Variants in MTO1 observed in about 807,000 individuals in gnomAD.
MTO1 encodes 5-taurinomethyluridine-[tRNA] synthase subunit MTO1, mitochondrial.
A neutral mutation model predicts 71.6 loss-of-function variants in MTO1; 46 were observed. The observed-to-expected ratio is 0.64, with a 90% CI of 0.51 to 0.82. MTO1 has a LOEUF of 0.82. Among genes scored for constraint, MTO1 ranks in the 40% least tolerant of loss-of-function variants. The pLI is 0.00. For synonymous variants in MTO1, 297 were observed against 312.1 expected (o/e 0.95, Z 0.51); for missense variants, 773 against 867.5 (o/e 0.89, Z 1.37).
rs192916366 is a variant in MTO1 at position 73,489,760 on chromosome 6, C to A, written c.1638-2474C>A. 2.0e-5 allele frequency among the ~76,000 whole-genome samples: 3 copies of A among 152,188 alleles called. No individual in the cohort carries two copies. The East Asian group carries it at 5.8e-4, about 29-fold the overall frequency. The stretch of plus-strand genomic sequence containing the variant: ...ACAATAAACATACGTGTGCATGTGT[C>A]TTTTAATTATAAAGCATGATTTATA... On this transcript the variant is annotated intron_variant, in intron 9 of 11. Coordinates refer to ENST00000498286, the MANE Select transcript of MTO1 (RefSeq NM_012123.4).
intron 3 of MTO1, among the ~76,000 whole-genome samples, chr6:73,470,007 A>G (rs1348585492): frequency 6.6e-6 from 1 of 152,098 alleles, no homozygotes; most frequent in Non-Finnish European, 1.5e-5. Flanking sequence ...CGTCTCAAAA[A>G]AAAAGAAAAG....
chr6:73,497,119 G>C (rs1772002590), intron 10 of MTO1, among the ~76,000 whole-genome samples: 1 of 146,514 alleles, frequency 6.8e-6, no homozygotes, highest in Non-Finnish European at 1.5e-5. Context: ...TGAGAAAAAT[G>C]TTCCAGCCAA....
intron 3 of MTO1, among the ~76,000 whole-genome samples, chr6:73,469,164 C>T (rs555868205): frequency 2.6e-5 from 4 of 152,010 alleles, no homozygotes; most frequent in African/African-American, 4.8e-5. Context: ...ACTACCACAC[C>T]CAGCTTATTT....
Position 73,482,434 on chromosome 6 carries a change from T to A in MTO1, c.1466-15T>A. 1 of 1,601,458 alleles carries A rather than the reference T, an allele frequency of 6.2e-7. No individual in the cohort carries two copies. The highest frequency in any genetic ancestry group is 8.5e-7 in the Non-Finnish European group (1 of 1,175,808). Reference sequence around the variant, plus strand: ...AACCACACTTCTCATTATATTCTCTTTCTCCCTTCCCTAGGGTATAAAGAC... The same window carrying A: ...AACCACACTTCTCATTATATTCTCTATCTCCCTTCCCTAGGGTATAAAGAC... On this transcript the variant is annotated splice_polypyrimidine_tract_variant and intron_variant, in intron 8 of 11. Transcript: ENST00000498286.
At chr6:73,475,841 A>G (rs1049366823) in intron 4 of MTO1, among the ~76,000 whole-genome samples, 1 of 151,544 alleles carries the variant, frequency 6.6e-6, no homozygotes, top group Non-Finnish European at 1.5e-5. Context: ...CAGGTGATCC[A>G]CCTTCAGCCT....
At chr6:73,497,947 G>C in intron 11 of MTO1, 51 bp downstream of exon 11, 1 of 1,502,142 alleles carries the variant, frequency 6.7e-7, no homozygotes, top group Non-Finnish European at 9.0e-7. Context: ...AAGATACAGT[G>C]CTTTAATTTT....
chr6:73,488,182 T>G (rs116866860), intron 9 of MTO1, among the ~76,000 whole-genome samples: 342 of 152,198 alleles, frequency 2.2e-3, no homozygotes, highest in Non-Finnish European at 3.5e-3. Flanking sequence ...TTGTTTAGGT[T>G]TTTTTTCCAG....
intron 4 of MTO1, among the ~76,000 whole-genome samples, chr6:73,478,114 T>G (rs1771383145): frequency 6.6e-6 from 1 of 151,756 alleles, no homozygotes; most frequent in African/African-American, 2.4e-5. Flanking sequence ...CTGGGCATGG[T>G]GGCATGCCCC....
intron 1 of MTO1, among the ~76,000 whole-genome samples, chr6:73,464,963 C>T (rs892549083): frequency 6.6e-6 from 1 of 151,350 alleles, no homozygotes; most frequent in Non-Finnish European, 1.5e-5. Flanking sequence ...GAGGTAACCA[C>T]ATGGGTTTAG....
intron 9 of MTO1, among the ~76,000 whole-genome samples, chr6:73,489,281 T>C (rs1442641006): frequency 6.7e-6 from 1 of 150,066 alleles, no homozygotes; most frequent in Non-Finnish European, 1.5e-5. Context: ...TTTTTTTCTT[T>C]TTTTTTTTTG....
intron 3 of MTO1, among the ~76,000 whole-genome samples, chr6:73,467,677 A>G (rs182315053): frequency 4.0e-5 from 6 of 149,956 alleles, no homozygotes; most frequent in Admixed American, 3.3e-4. Flanking sequence ...TGGGAAAACA[A>G]CCATCTCCTT....
intron 9 of MTO1, among the ~76,000 whole-genome samples, chr6:73,489,568 G>A (rs1001512664): frequency 6.6e-6 from 1 of 151,754 alleles, no homozygotes; most frequent in Non-Finnish European, 1.5e-5. Context: ...AGTTTGCTCA[G>A]AATGATGGTT....
rs771037293 is a variant in MTO1, at chr6:73,462,117, C to T, written c.217+46C>T. On this transcript the variant is annotated intron_variant, in intron 1 of 11. Transcript: ENST00000498286. Reference sequence around the variant, plus strand: ...GGAACTTGGCGTAGGACGCAGGCTGCTTCCTTCCCGCCTCCCCCGGTCTGA... The same window carrying T: ...GGAACTTGGCGTAGGACGCAGGCTGTTTCCTTCCCGCCTCCCCCGGTCTGA... 4.4e-6 allele frequency: 7 copies of T among 1,588,532 alleles called. No homozygotes were observed. The Admixed American group carries it at 8.4e-5, about 19-fold the overall frequency.
At chr6:73,486,859 A>G in intron 9 of MTO1, 1 of 171,650 alleles carries the variant, frequency 5.8e-6, no homozygotes, top group Non-Finnish European at 1.3e-5. Flanking sequence ...TGGGAGGCTA[A>G]GGTGGGAGGA....
At chr6:73,480,934 C>G in intron 7 of MTO1, 129 bp downstream of exon 7, 1 of 788,528 alleles carries the variant, frequency 1.3e-6, no homozygotes, top group South Asian at 2.0e-5. Context: ...ATTTATGTTT[C>G]AGGGTGTTTG....
At chr6:73,468,492 C>A (rs1408756030) in intron 3 of MTO1, among the ~76,000 whole-genome samples, 1 of 151,754 alleles carries the variant, frequency 6.6e-6, no homozygotes, top group Non-Finnish European at 1.5e-5. Flanking sequence ...ATAATTATAC[C>A]GTAATTTTTG....
chr6:73,466,415 A>C lies in MTO1; in HGVS notation c.417+7A>C, dbSNP rs199515593. ...CTATAAACAGAACATGCAGGTAAGA[A>C]TAGGGCATGAGCACAGGAAAGATTA... is the stretch of plus-strand genomic sequence containing the variant. On this transcript the variant is annotated splice_region_variant and intron_variant, in intron 2 of 11. Coordinates refer to ENST00000498286, the MANE Select transcript of MTO1 (RefSeq NM_012123.4). 8 of 1,613,892 alleles carry C rather than the reference A, an allele frequency of 5.0e-6. No homozygotes were observed. The African/African-American group carries it at 1.1e-4, about 22-fold the overall frequency.
chr6:73,472,995 G>A (rs1771194394), intron 3 of MTO1, among the ~76,000 whole-genome samples: 1 of 152,144 alleles, frequency 6.6e-6, no homozygotes, highest in South Asian at 2.1e-4. Flanking sequence ...ATGACTTTAG[G>A]CCGGGCGCGG....
chr6:73,466,931 T>G (rs1458112217), intron 3 of MTO1, among the ~76,000 whole-genome samples: 2 of 151,894 alleles, frequency 1.3e-5, no homozygotes, highest in East Asian at 1.9e-4. Context: ...TTTAAAAAAT[T>G]CATATTTTAA....
Sources: gnomAD v4.1 joint callset for allele counts (sites outside exome capture counted in the v4.1 genomes callset) on GRCh38, gnomAD v4.1.1 for gene constraint, MANE v1.5 for transcripts, NCBI Gene and HGNC (gene_info 2026-07-23, HGNC 2026-07-21) for gene names.